MSH6: variants seen among roughly 807,000 people sequenced by gnomAD.
MSH6 encodes mutS homolog 6.
Under a neutral mutation model 119.1 loss-of-function variants are expected in MSH6, and 85 were observed. The ratio of observed to expected loss-of-function variants is 0.71; its 90% CI spans 0.60 to 0.85. The LOEUF is 0.85. Ranked by LOEUF, MSH6 falls within the 40% of genes least tolerant of loss-of-function variation. MSH6 has a pLI of 0.00. For missense variants in MSH6, 2,163 were observed against 1,655.3 expected (o/e 1.31, Z -5.32); for synonymous variants, 830 against 586.9 (o/e 1.41, Z -5.99).
At chr2:47,809,484 ATCTT>A (rs781442908), downstream of MSH6, 8 of 800,134 alleles carry the variant, frequency 1.0e-5, no homozygotes, top group African/African-American at 3.5e-5. Flanking sequence ...TTCAAAATCT[ATCTT>A]AAACTGTTGC....
intron 2 of MSH6, among the ~76,000 whole-genome samples, chr2:47,794,565 C>T (rs1668952584): frequency 6.6e-6 from 1 of 152,130 alleles, no homozygotes; most frequent in African/African-American, 2.4e-5. Context: ...AGCCACCACG[C>T]CCAGCCCTAA....
rs545020313 is a variant in MSH6, at chr2:47,799,492, C to T, written c.1509C>T (p.Ser503=). ...EARCRKMAHI[S]KYDRVVRREI... is the part of the protein sequence containing the mutation. ...GATGTAGAAAGATGGCACATATATCCAAGTATGATAGAGTGGTGAGGAGGG... is the reference window on the plus strand; with the variant it reads ...GATGTAGAAAGATGGCACATATATCTAAGTATGATAGAGTGGTGAGGAGGG... The change falls in exon 4 of 10, where the codon TCC becomes TCT. Residue 503 remains serine, a synonymous_variant. Coordinates refer to ENST00000234420, the MANE Select transcript of MSH6 (RefSeq NM_000179.3). 29 of 1,614,090 alleles carry T rather than the reference C, an allele frequency of 1.8e-5. No homozygotes were observed. The African/African-American group carries it at 2.1e-4, about 12-fold the overall frequency.
At chr2:47,788,405 C>A (rs891670032) in intron 1 of MSH6, among the ~76,000 whole-genome samples, 2 of 150,808 alleles carry the variant, frequency 1.3e-5, no homozygotes, top group African/African-American at 4.9e-5. Context: ...CAGATGCCCG[C>A]CACCATGCCC....
At position 47,803,039 on chromosome 2, in the gene MSH6, G is replaced by A. The variant is rs190325380; in HGVS notation, c.3173-381G>A. On this transcript the variant is annotated intron_variant, in intron 4 of 9. Coordinates refer to ENST00000234420, the MANE Select transcript of MSH6 (RefSeq NM_000179.3). Reference sequence around the variant, plus strand: ...TGATTCTCCTGCCTCAGCCTCCTGCGTAGCTGGGATTACAGGCATATGCCA... The same window carrying A: ...TGATTCTCCTGCCTCAGCCTCCTGCATAGCTGGGATTACAGGCATATGCCA... Among the ~76,000 whole-genome samples the A allele has an allele frequency of 1.4e-3, 209 of 152,202 alleles. 1 individual carries two copies. The highest frequency in any genetic ancestry group is 9.5e-3 in the East Asian group (49 of 5,164).
downstream of MSH6, chr2:47,807,139 GTATAGGGCTGTATA>G: frequency 2.5e-6 from 1 of 402,706 alleles, no homozygotes. Context: ...CTATGAAACT[GTATAGGGCTGTATA>G]TATACTTGTC....
At chr2:47,809,548 ATCTT>A, downstream of MSH6, 1 of 1,312,580 alleles carries the variant, frequency 7.6e-7, no homozygotes, top group Non-Finnish European at 1.1e-6. Flanking sequence ...GCTTCTGATT[ATCTT>A]TCATGGCATA....
At chr2:47,798,499 CAG>C (rs780136911) in intron 3 of MSH6, 110 bp from the exon 4 acceptor site, 18 of 1,083,286 alleles carry the variant, frequency 1.7e-5, no homozygotes, top group African/African-American at 3.2e-5. Context: ...AAATGAAAAA[CAG>C]TGGCTGCACG....
In MSH6 at chr2:47,783,395, G is replaced by T; in HGVS notation, c.162G>T (p.Gly54=). ...GGGATGCGGCCTGGAGCGAGGCTGGGCCTGGGCCCAGGCCCTTGGCGCGCT... is the reference window on the plus strand; with the variant it reads ...GGGATGCGGCCTGGAGCGAGGCTGGTCCTGGGCCCAGGCCCTTGGCGCGCT... ...PGGDAAWSEA[G]PGPRPLARSA... Residue 54 remains glycine, a synonymous_variant, in exon 1 of 10, where the codon GGG becomes GGT. Transcript: ENST00000234420. The T allele has an allele frequency of 6.4e-7, 1 of 1,572,688 alleles. No homozygotes were observed. Among genetic ancestry groups the T allele is most frequent in the East Asian group, 2.4e-5 (1 of 42,382 alleles).
At chr2:47,805,533 C>T (rs1669942707) in intron 6 of MSH6, 85 bp from the exon 7 acceptor site, 2 of 911,840 alleles carry the variant, frequency 2.2e-6, no homozygotes, top group Non-Finnish European at 3.7e-6. Context: ...ATGTGTAGCT[C>T]ATGATAGCTA....
chr2:47,784,012 T>G, intron 1 of MSH6: 2 of 1,022,704 alleles, frequency 2.0e-6, no homozygotes, highest in Non-Finnish European at 2.3e-6. Context: ...AGATAGTGAG[T>G]TGGGGCTCCA....
At chr2:47,796,980 A>T (rs1183520446) in intron 3 of MSH6, among the ~76,000 whole-genome samples, 1 of 152,222 alleles carries the variant, frequency 6.6e-6, no homozygotes, top group Non-Finnish European at 1.5e-5. Flanking sequence ...GACTGTCAAC[A>T]ACAACAAAAA....
intron 7 of MSH6, 25 bp downstream of exon 7, chr2:47,805,732 A>T (rs1293595701): frequency 7.7e-7 from 1 of 1,299,596 alleles, no homozygotes; most frequent in South Asian, 1.2e-5. Flanking sequence ...TTCTCATTTG[A>T]AGACTATCTA....
intron 5 of MSH6, 65 bp from the exon 6 acceptor site, chr2:47,804,845 A>T: frequency 7.9e-7 from 1 of 1,271,158 alleles, no homozygotes; most frequent in South Asian, 1.2e-5. Flanking sequence ...GGTTCATAAG[A>T]AAGACAAAAG....
chr2:47,805,728 T>G, intron 7 of MSH6, 21 bp downstream of exon 7: 1 of 1,430,322 alleles, frequency 7.0e-7, no homozygotes, highest in Non-Finnish European at 9.5e-7. Context: ...AAACTTCTCA[T>G]TTGAAGACTA....
At chr2:47,807,667 T>TAAA, downstream of MSH6, 1 of 207,890 alleles carries the variant, frequency 4.8e-6, no homozygotes, top group Non-Finnish European at 9.7e-6. Context: ...GAATACATGT[T>TAAA]AAAAAAAAAA....
In MSH6 at chr2:47,783,373, A is replaced by T. The variant is rs1168451622; in HGVS notation, c.140A>T (p.Asp47Val). 2 of 1,600,078 alleles carry T rather than the reference A, an allele frequency of 1.2e-6. No individual in the cohort carries two copies. The highest frequency in any genetic ancestry group is 1.7e-6 in the Non-Finnish European group (2 of 1,173,442). The change falls in exon 1 of 10, where the codon GAT becomes GTT. Residue 47 changes from aspartate to valine, a missense_variant. Asp to Val is a radical substitution (Grantham distance 152, BLOSUM62 -3). Transcript: ENST00000234420. Reference sequence around the variant, plus strand: ...GGGGCCTCTCCTTCCCCAGGCGGGGATGCGGCCTGGAGCGAGGCTGGGCCT... The same window carrying T: ...GGGGCCTCTCCTTCCCCAGGCGGGGTTGCGGCCTGGAGCGAGGCTGGGCCT... ...APGASPSPGG[D>V]AAWSEAGPGP...
chr2:47,806,724 A>ATGATGCAC, intron 9 of MSH6, 55 bp from the exon 10 acceptor site: 2 of 1,537,650 alleles, frequency 1.3e-6, no homozygotes, highest in Non-Finnish European at 1.8e-6. Context: ...AGGGGAAGGG[A>ATGATGCAC]TGATGCACTA....
downstream of MSH6, chr2:47,809,026 G>A (rs1670430065): frequency 1.7e-6 from 1 of 587,338 alleles, no homozygotes; most frequent in Admixed American, 3.4e-5. Flanking sequence ...CGATCTTCAA[G>A]TAGATTGATG....
At chr2:47,802,544 C>T (rs1294752325) in intron 4 of MSH6, among the ~76,000 whole-genome samples, 1 of 150,934 alleles carries the variant, frequency 6.6e-6, no homozygotes, top group East Asian at 1.9e-4. Context: ...GTTGGCCAGG[C>T]TGTTCTTGAA....
Sources: gnomAD v4.1 joint callset for allele counts (sites outside exome capture counted in the v4.1 genomes callset) on GRCh38, gnomAD v4.1.1 for gene constraint, MANE v1.5 for transcripts, NCBI Gene and HGNC (gene_info 2026-07-23, HGNC 2026-07-21) for gene names.